Variants in ERICH6 observed in about 807,000 individuals in gnomAD.
ERICH6 encodes glutamate-rich protein 6.
Under a neutral mutation model 71.0 loss-of-function variants are expected in ERICH6, and 71 were observed. The ratio of observed to expected loss-of-function variants is 1.00; its 90% CI spans 0.83 to 1.22. The LOEUF (loss-of-function observed/expected upper bound fraction) is 1.22, where lower values mean the gene tolerates loss of function less well. Ranked by LOEUF, ERICH6 falls within the 50% of genes most tolerant of loss-of-function variation. The pLI, the probability that ERICH6 is intolerant of heterozygous loss-of-function variation, is 0.00. For missense variants in ERICH6, 808 were observed against 797.2 expected, an observed-to-expected ratio of 1.01 and a Z score of -0.16; for synonymous variants, 262 against 278.4, an observed-to-expected ratio of 0.94 and a Z score of 0.59.
At chr3:150,670,281 G>A (rs933678841) in intron 11 of ERICH6, among the ~76,000 whole-genome samples, 2 of 151,876 alleles carry the variant, frequency 1.3e-5, no homozygotes, top group Non-Finnish European at 2.9e-5. Flanking sequence ...TCAGGAGATT[G>A]AGATCATCCT....
intron 13 of ERICH6, among the ~76,000 whole-genome samples, chr3:150,662,030 TAACA>T (rs1559907750): frequency 6.6e-6 from 1 of 151,908 alleles, no homozygotes. Context: ...AAACAAACGC[TAACA>T]AAGAGAAAGC....
intron 10 of ERICH6, among the ~76,000 whole-genome samples, chr3:150,674,889 T>C (rs1449468949): frequency 1.3e-5 from 2 of 152,076 alleles, no homozygotes; most frequent in Non-Finnish European, 2.9e-5. Context: ...TCCCAGTACT[T>C]TGGGAGGCTG....
At chr3:150,683,375 C>T (rs1191966047) in intron 6 of ERICH6, among the ~76,000 whole-genome samples, 1 of 152,156 alleles carries the variant, frequency 6.6e-6, no homozygotes, top group Non-Finnish European at 1.5e-5. Flanking sequence ...AAGCCATTCA[C>T]AACCTGCTCC....
chr3:150,688,175 G>A (rs1213383747), intron 3 of ERICH6, among the ~76,000 whole-genome samples: 1 of 152,072 alleles, frequency 6.6e-6, no homozygotes, highest in African/African-American at 2.4e-5. Context: ...TCTATTTTGG[G>A]GAGGTTGGGG....
chr3:150,670,501 A>C (rs1003816850), intron 11 of ERICH6, among the ~76,000 whole-genome samples: 3 of 151,274 alleles, frequency 2.0e-5, no homozygotes, highest in African/African-American at 7.3e-5. Flanking sequence ...AAAAAAAAAA[A>C]AGTTCTAGCC....
In ERICH6 at chr3:150,703,544, T is replaced by C. The variant is rs1304039414; in HGVS notation, c.355A>G (p.Thr119Ala). Residue 119 changes from threonine (T) to alanine (A), a missense_variant, in exon 1 of 14, where the codon ACT (threonine) becomes GCT (alanine). By Grantham distance (58) the Thr-to-Ala change is moderately conservative (BLOSUM62 0). Around this residue, in one of 3 missense-constraint regions of ERICH6, gnomAD observed 736 missense variants for 712.2 expected, o/e 1.03. Transcript: ENST00000295910. Reference protein sequence around the residue: ...TFVPSQSATSTETPSASPPSS... With the variant: ...TFVPSQSATSAETPSASPPSS... ...GGTGGGCTTGCGCTCGGCGTTTCAGTGCTGGTCGCGCTCTGGCTGGGCACG... is the reference window on the plus strand; with the variant it reads ...GGTGGGCTTGCGCTCGGCGTTTCAGCGCTGGTCGCGCTCTGGCTGGGCACG... 8 of 1,612,446 alleles carry C rather than the reference T, an allele frequency of 5.0e-6. No homozygotes were observed. The South Asian group carries it at 7.7e-5, about 15-fold the overall frequency.
intron 7 of ERICH6, among the ~76,000 whole-genome samples, chr3:150,681,325 T>G (rs1711923088): frequency 6.6e-6 from 1 of 152,240 alleles, no homozygotes; most frequent in African/African-American, 2.4e-5. Context: ...CCTCTTTCAC[T>G]TAGCATAATG....
intron 4 of ERICH6, 75 bp downstream of exon 4, chr3:150,686,223 G>A (rs996361622): frequency 2.0e-6 from 3 of 1,521,546 alleles, no homozygotes; most frequent in Non-Finnish European, 2.7e-6. Flanking sequence ...GATGGGCTCT[G>A]TGCGAGTTAA....
At chr3:150,664,704 C>T (rs1727344830) in intron 13 of ERICH6, among the ~76,000 whole-genome samples, 1 of 151,360 alleles carries the variant, frequency 6.6e-6, no homozygotes, top group Non-Finnish European at 1.5e-5. Context: ...GGAAGGTACA[C>T]ACTAAATTTT....
chr3:150,689,791 G>C (rs909967049), intron 3 of ERICH6, among the ~76,000 whole-genome samples: 3 of 152,120 alleles, frequency 2.0e-5, no homozygotes, highest in African/African-American at 7.2e-5. Context: ...ATAGCCTGGG[G>C]TTCCTTAAAG....
intron 11 of ERICH6, among the ~76,000 whole-genome samples, chr3:150,670,970 A>G (rs1447042885): frequency 6.6e-6 from 1 of 152,108 alleles, no homozygotes; most frequent in Non-Finnish European, 1.5e-5. Context: ...AAAACTGTAT[A>G]TTTTTATATG....
At chr3:150,662,073 T>C (rs531467409) in intron 13 of ERICH6, among the ~76,000 whole-genome samples, 2 of 152,284 alleles carry the variant, frequency 1.3e-5, no homozygotes, top group African/African-American at 4.8e-5. Flanking sequence ...TCAGATGGAA[T>C]AGCACTTAAG....
intron 4 of ERICH6, 105 bp downstream of exon 4, chr3:150,686,193 G>A: frequency 7.3e-7 from 1 of 1,366,140 alleles, no homozygotes; most frequent in Non-Finnish European, 1.0e-6. Flanking sequence ...CTGTTCTTAG[G>A]TGAGTCCTTT....
At chr3:150,681,707 T>C (rs2108059958) in intron 7 of ERICH6, among the ~76,000 whole-genome samples, 1 of 152,320 alleles carries the variant, frequency 6.6e-6, no homozygotes, top group Admixed American at 6.5e-5. Flanking sequence ...TATCAACACT[T>C]GTTATTATCT....
At chr3:150,695,464 A>G (rs1261497185) in intron 3 of ERICH6, among the ~76,000 whole-genome samples, 1 of 151,892 alleles carries the variant, frequency 6.6e-6, no homozygotes, top group Non-Finnish European at 1.5e-5. Flanking sequence ...GACTGAGACC[A>G]TCCTGGCCAA....
intron 6 of ERICH6, among the ~76,000 whole-genome samples, chr3:150,684,026 T>C (rs1712079766): frequency 6.6e-6 from 1 of 152,178 alleles, no homozygotes; most frequent in Admixed American, 6.5e-5. Context: ...GAGGCGAGTA[T>C]AACCTCAGAG....
chr3:150,664,047 G>A (rs1305141305), intron 13 of ERICH6, among the ~76,000 whole-genome samples: 1 of 151,994 alleles, frequency 6.6e-6, no homozygotes, highest in Admixed American at 6.6e-5. Flanking sequence ...TTAGAAAAAG[G>A]GGAGATGAAG....
rs1228837557 is a variant in ERICH6, at chr3:150,678,447, A to C, written c.1219T>G (p.Ser407Ala). 1 of 1,601,162 alleles carries C rather than the reference A, an allele frequency of 6.2e-7. No individual in the cohort carries two copies. Among genetic ancestry groups the C allele is most frequent in the Non-Finnish European group, 8.5e-7 (1 of 1,176,562 alleles). The change falls in exon 10 of 14, where the codon TCT (serine) becomes GCT (alanine). Residue 407 changes from serine (S) to alanine (A), a missense_variant. Physicochemically the swap from Ser to Ala is moderately conservative, Grantham distance 99. This residue lies in a region of ERICH6 where 736 missense variants were observed against 712.2 expected (regional missense o/e 1.03). Coordinates refer to ENST00000295910, the MANE Select transcript of ERICH6 (RefSeq NM_152394.5). Reference sequence around the variant, plus strand: ...ATCCGAGAATCACAACAAATGATAGACATGTTACTGTTTCTTAGTTGAAAA... The same window carrying C: ...ATCCGAGAATCACAACAAATGATAGCCATGTTACTGTTTCTTAGTTGAAAA... ...FDFQLRNSNM[S>A]IICCDSRIAC... is the part of the protein sequence containing the mutation.
rs1016907943 is a variant in ERICH6, at chr3:150,695,617, G to A, written c.553+3174C>T. On this transcript the variant is annotated intron_variant, in intron 3 of 13. Coordinates refer to ENST00000295910, the MANE Select transcript of ERICH6 (RefSeq NM_152394.5). ...TGGGAGGCGGAGGTTACAGTGGGCC[G>A]AGATCGCGCCACTCCACTCCAGCCT... Among the ~76,000 whole-genome samples, 7 of 152,062 alleles carry A rather than the reference G, an allele frequency of 4.6e-5. No homozygotes were observed. The South Asian group carries it at 6.2e-4, about 14-fold the overall frequency.
Sources: gnomAD v4.1 joint callset for allele counts (sites outside exome capture counted in the v4.1 genomes callset) on GRCh38, gnomAD v4.1.1 for gene constraint, gnomAD v4.1.1 regional missense constraint, MANE v1.5 for transcripts, NCBI Gene and HGNC (gene_info 2026-07-23, HGNC 2026-07-21) for gene names.